PRH1: variants seen among roughly 807,000 people sequenced by gnomAD.
The protein encoded by PRH1 is proline rich protein HaeIII subfamily 1.
PRH1 carries 7 observed loss-of-function variants against 7.9 expected under a neutral mutation model. The observed-to-expected ratio is 0.89, with a 90% CI of 0.50 to 1.67. The LOEUF is 1.67. PRH1 is among the 40% of genes most tolerant of loss of function. The pLI, the probability that PRH1 is intolerant of heterozygous loss-of-function variation, is 0.00. For missense variants in PRH1, 109 were observed against 223.6 expected (o/e 0.49, Z 3.27); for synonymous variants, 45 against 80.8 (o/e 0.56, Z 2.38).
intron 1 of PRH1, among the ~76,000 whole-genome samples, chr12:11,088,197 C>T (rs1944772416): frequency 7.7e-6 from 1 of 129,252 alleles, no homozygotes; most frequent in Non-Finnish European, 1.7e-5. Flanking sequence ...AAAAATTAGC[C>T]AGGCGTGATG....
chr12:11,134,388 A>G, intron 1 of PRH1: 1 of 1,065,960 alleles, frequency 9.4e-7, no homozygotes, highest in South Asian at 1.8e-5. Context: ...TGCTGTGACC[A>G]GTGTCAAGTC....
intron 1 of PRH1, among the ~76,000 whole-genome samples, chr12:11,058,556 A>C (rs1943458117): frequency 6.6e-6 from 1 of 152,294 alleles, no homozygotes; most frequent in Non-Finnish European, 1.5e-5. Context: ...CTGACTCATT[A>C]ATGAAGTTTC....
intron 1 of PRH1, chr12:11,091,758 A>G: frequency 7.5e-7 from 1 of 1,341,654 alleles, no homozygotes; most frequent in Non-Finnish European, 1.1e-6. Flanking sequence ...TTTCCTTCAA[A>G]TTCTTTTGTC....
At chr12:11,025,012 T>C (rs528257454) in intron 1 of PRH1, among the ~76,000 whole-genome samples, 6 of 146,742 alleles carry the variant, frequency 4.1e-5, no homozygotes, top group Non-Finnish European at 4.5e-5. Context: ...TTAGTTTTCA[T>C]TGTCATTAAT....
intron 2 of PRH1, among the ~76,000 whole-genome samples, chr12:10,969,210 T>C (rs1938666170): frequency 6.6e-6 from 1 of 152,182 alleles, no homozygotes; most frequent in South Asian, 2.1e-4. Context: ...CTTCAACCTG[T>C]CCCTCTGAAG....
At chr12:10,999,023 C>T (rs922024229) in intron 1 of PRH1, among the ~76,000 whole-genome samples, 5 of 152,072 alleles carry the variant, frequency 3.3e-5, no homozygotes, top group East Asian at 1.9e-4. Flanking sequence ...AGCCTTAAAT[C>T]GGCCAAACTC....
chr12:10,963,787 A>G lies in PRH1; in HGVS notation c.-59+9868T>C, dbSNP rs557105766. ...AGTACTGATGATGGTAGACATATACAAAATGTATTCCAAATATATTTTTCA... is the reference window on the plus strand; with the variant it reads ...AGTACTGATGATGGTAGACATATACGAAATGTATTCCAAATATATTTTTCA... On this transcript the variant is annotated intron_variant, in intron 2 of 3. Transcript: ENST00000539853. Among the ~76,000 whole-genome samples, 8 of 152,350 alleles carry G rather than the reference A, an allele frequency of 5.3e-5. No individual in the cohort carries two copies. The East Asian group carries it at 1.3e-3, about 26-fold the overall frequency.
At chr12:10,968,151 T>G (rs1361490066) in intron 2 of PRH1, among the ~76,000 whole-genome samples, 1 of 152,168 alleles carries the variant, frequency 6.6e-6, no homozygotes, top group East Asian at 1.9e-4. Context: ...GGTTTATCTC[T>G]CTGATTGAAG....
chr12:11,040,971 G>T (rs545410507), intron 1 of PRH1, among the ~76,000 whole-genome samples: 2 of 151,814 alleles, frequency 1.3e-5, no homozygotes, highest in African/African-American at 2.4e-5. Flanking sequence ...AAAATAAAAA[G>T]CAAGAAACTA....
chr12:11,072,567 T>C (rs1170450675), intron 1 of PRH1, among the ~76,000 whole-genome samples: 1 of 152,234 alleles, frequency 6.6e-6, no homozygotes, highest in African/African-American at 2.4e-5. Flanking sequence ...ATCACTACCA[T>C]GACAAAACAC....
At chr12:11,070,625 C>T (rs1180164448) in intron 1 of PRH1, among the ~76,000 whole-genome samples, 4 of 152,228 alleles carry the variant, frequency 2.6e-5, no homozygotes, top group East Asian at 1.9e-4. Context: ...TCTCTTCTTA[C>T]TTATGCCCCT....
rs1260986170 is a variant in PRH1, at chr12:10,882,505, T to G, written c.294A>C (p.Gly98=). 9.9e-7 allele frequency: 1 copy of G among 1,006,210 alleles called. No homozygotes were observed. Among genetic ancestry groups the G allele is most frequent in the African/African-American group, 1.6e-5 (1 of 64,402 alleles). The allele number at this position is 1,006,210 out of a possible 1,614,324, so 62.3% of individuals were successfully genotyped here. ...GTGGTGGACCTTGTTGCTGCTGGCCTCCTTGTTGGGGTGGTCCTTGTGGCT... is the reference window on the plus strand; with the variant it reads ...GTGGTGGACCTTGTTGCTGCTGGCCGCCTTGTTGGGGTGGTCCTTGTGGCT... The part of the protein sequence containing the change: ...QGKPQGPPQQ[G]GQQQQGPPPP... Residue 98 remains glycine, a synonymous_variant, in exon 3 of 4, where the codon GGA becomes GGC. Transcript: ENST00000543626.
chr12:11,028,421 A>G (rs1240458065), intron 1 of PRH1, among the ~76,000 whole-genome samples: 2 of 152,188 alleles, frequency 1.3e-5, no homozygotes, highest in African/African-American at 2.4e-5. Flanking sequence ...AGTGGCTGCC[A>G]TCAGGGTCAT....
intron 1 of PRH1, among the ~76,000 whole-genome samples, chr12:11,010,111 T>C (rs761970434): frequency 1.3e-5 from 2 of 151,996 alleles, no homozygotes; most frequent in African/African-American, 4.8e-5. Context: ...TCATCTACAA[T>C]TACTTGCTTA....
chr12:10,899,179 C>T (rs1384317747), intron 2 of PRH1, among the ~76,000 whole-genome samples: 1 of 152,188 alleles, frequency 6.6e-6, no homozygotes, highest in East Asian at 1.9e-4. Flanking sequence ...CTGGAAGGAA[C>T]TTGACTTCCA....
intron 2 of PRH1, among the ~76,000 whole-genome samples, chr12:10,903,215 T>A (rs1314565957): frequency 6.6e-6 from 1 of 151,936 alleles, no homozygotes; most frequent in Non-Finnish European, 1.5e-5. Flanking sequence ...TATTCCTATA[T>A]AAGATAAAAC....
intron 1 of PRH1, among the ~76,000 whole-genome samples, chr12:11,151,273 CT>C (rs66683210): frequency 0.46 from 66,815 of 146,662 alleles, 15,596 homozygotes; most frequent in Non-Finnish European, 0.53. Flanking sequence ...GTCATCCTTG[CT>C]TTTTTTTTTT....
Position 11,031,479 on chromosome 12 carries a change from GA to G in PRH1, c.-126+15540del, listed in dbSNP as rs1942215454. 1.1e-5 allele frequency: 11 copies of G among 967,592 alleles called. No homozygotes were observed. The East Asian group carries it at 2.9e-4, about 26-fold the overall frequency. 59.9% of individuals were successfully genotyped at this position (967,592 alleles called of 1,614,324 possible). ...TGTTGCTGCTCTTAAAGATGGCATG[GA>G]CCCAAAGAGTGAGCAACAGCAAGGT... On this transcript the variant is annotated intron_variant, in intron 1 of 3. Transcript: ENST00000539853.
At chr12:11,142,836 A>G (rs954676786) in intron 1 of PRH1, among the ~76,000 whole-genome samples, 1 of 152,216 alleles carries the variant, frequency 6.6e-6, no homozygotes, top group East Asian at 1.9e-4. Flanking sequence ...TTAGCCCAGA[A>G]TAGTGTTACT....
Sources: allele counts gnomAD v4.1 joint callset (sites outside exome capture counted in the v4.1 genomes callset), GRCh38; gene constraint gnomAD v4.1.1; transcripts MANE v1.5; gene names NCBI Gene and HGNC (gene_info 2026-07-23, HGNC 2026-07-21).